PPP3CA: variants seen among roughly 807,000 people sequenced by gnomAD.
The protein encoded by PPP3CA is CAM-PRP catalytic subunit.
In PPP3CA, 14 loss-of-function variants were observed where a neutral mutation model predicts 66.5. The ratio of observed to expected loss-of-function variants is 0.21; its 90% CI spans 0.14 to 0.33. PPP3CA has a LOEUF of 0.33. PPP3CA is among the 10% of genes least tolerant of loss of function. The probability of loss-of-function intolerance (pLI) is 1.00; values close to 1 mark genes in which losing one functional copy is unlikely to be tolerated. For missense variants in PPP3CA, 317 were observed against 639.5 expected (o/e 0.50, Z 5.44); for synonymous variants, 232 against 226.2 (o/e 1.03, Z -0.23).
intron 2 of PPP3CA, among the ~76,000 whole-genome samples, chr4:101,171,806 A>G (rs1259260491): frequency 6.6e-6 from 1 of 152,202 alleles, no homozygotes; most frequent in Non-Finnish European, 1.5e-5. Flanking sequence ...ACTTACCACA[A>G]ATATATGCAA....
At chr4:101,184,502 A>G (rs767179977) in intron 2 of PPP3CA, among the ~76,000 whole-genome samples, 108 of 152,156 alleles carry the variant, frequency 7.1e-4, no homozygotes, top group Non-Finnish European at 1.3e-3. Context: ...AAGACTTAGT[A>G]AAAAAAAGAG....
At position 101,299,948 on chromosome 4, in the gene PPP3CA, G is replaced by T. The variant is rs116822306; in HGVS notation, c.58+46791C>A. Among the ~76,000 whole-genome samples the T allele has an allele frequency of 1.5e-3, 233 of 151,716 alleles. 1 individual carries two copies. The highest frequency in any genetic ancestry group is 5.4e-3 in the African/African-American group (221 of 41,040). ...GAATGTGTACCCAGCTTCATGCTTG[G>T]CACTGAATTTGCAAAGGTGATCAAG... On this transcript the variant is annotated intron_variant, in intron 1 of 13. Coordinates refer to ENST00000394854, the MANE Select transcript of PPP3CA (RefSeq NM_000944.5).
intron 2 of PPP3CA, among the ~76,000 whole-genome samples, chr4:101,169,921 A>G (rs1053425297): frequency 7.2e-5 from 11 of 152,180 alleles, no homozygotes; most frequent in Non-Finnish European, 1.5e-4. Flanking sequence ...TGTTCATTTT[A>G]CAGTAAGTGT....
chr4:101,180,809 G>A (rs1183369528), intron 2 of PPP3CA, among the ~76,000 whole-genome samples: 1 of 152,058 alleles, frequency 6.6e-6, no homozygotes, highest in Non-Finnish European at 1.5e-5. Context: ...CAAGGAGGGA[G>A]GAACACTTGT....
At chr4:101,180,850 A>G (rs1484745976) in intron 2 of PPP3CA, among the ~76,000 whole-genome samples, 1 of 152,104 alleles carries the variant, frequency 6.6e-6, no homozygotes, top group Non-Finnish European at 1.5e-5. Context: ...CCTAGGCAAC[A>G]TAGTGAGTCT....
intron 1 of PPP3CA, among the ~76,000 whole-genome samples, chr4:101,213,019 C>T (rs994880171): frequency 6.6e-6 from 1 of 152,060 alleles, no homozygotes; most frequent in Non-Finnish European, 1.5e-5. Context: ...CTCAGTCCTC[C>T]TGACACATCT....
chr4:101,293,005 CCTA>C (rs1728079372), intron 1 of PPP3CA, among the ~76,000 whole-genome samples: 1 of 152,278 alleles, frequency 6.6e-6, no homozygotes, highest in African/African-American at 2.4e-5. Flanking sequence ...CCAAATCTCA[CCTA>C]CTATTTCAAA....
intron 1 of PPP3CA, among the ~76,000 whole-genome samples, chr4:101,305,605 T>C (rs1213527329): frequency 1.3e-5 from 2 of 152,172 alleles, no homozygotes; most frequent in Non-Finnish European, 2.9e-5. Flanking sequence ...AGTACAAATA[T>C]GGAGGAAAAA....
At chr4:101,149,523 C>G (rs1478797681) in intron 2 of PPP3CA, among the ~76,000 whole-genome samples, 1 of 152,058 alleles carries the variant, frequency 6.6e-6, no homozygotes, top group African/African-American at 2.4e-5. Flanking sequence ...GATATCAGAA[C>G]CAAAACAATG....
intron 5 of PPP3CA, among the ~76,000 whole-genome samples, chr4:101,096,781 T>C (rs778867329): frequency 2.0e-5 from 3 of 152,202 alleles, no homozygotes; most frequent in Non-Finnish European, 2.9e-5. Flanking sequence ...ATATGATACA[T>C]GGATACATGA....
At chr4:101,129,487 T>C (rs1722357723) in intron 2 of PPP3CA, among the ~76,000 whole-genome samples, 1 of 152,056 alleles carries the variant, frequency 6.6e-6, no homozygotes, top group Non-Finnish European at 1.5e-5. Flanking sequence ...AGACATCTCA[T>C]ATAGGAAAGC....
Position 101,114,544 on chromosome 4 carries a change from A to G in PPP3CA, c.260-5466T>C, listed in dbSNP as rs184296409. 1.3e-3 allele frequency among the ~76,000 whole-genome samples: 192 copies of G among 152,186 alleles called. 2 individuals are homozygous for G. Among genetic ancestry groups the G allele is most frequent in the Admixed American group, 9.6e-3 (146 of 15,260 alleles). ...TCACTCAGCAGTTCTGAATATCGCT[A>G]ATCTAAACAAACGGTGGCAAGAGTG... On this transcript the variant is annotated intron_variant, in intron 2 of 13. Transcript: ENST00000394854.
At chr4:101,144,004 T>C (rs1011204756) in intron 2 of PPP3CA, among the ~76,000 whole-genome samples, 8 of 152,184 alleles carry the variant, frequency 5.3e-5, no homozygotes, top group Admixed American at 3.9e-4. Flanking sequence ...AAAATCATTC[T>C]AGATTTCTCT....
intron 11 of PPP3CA, among the ~76,000 whole-genome samples, chr4:101,038,006 TA>T (rs761277201): frequency 1.3e-5 from 2 of 152,224 alleles, no homozygotes; most frequent in African/African-American, 4.8e-5. Context: ...ACACTCTGCT[TA>T]GCCTCTCTCA....
At chr4:101,186,691 T>C (rs770754664) in intron 2 of PPP3CA, among the ~76,000 whole-genome samples, 1 of 152,102 alleles carries the variant, frequency 6.6e-6, no homozygotes, top group Non-Finnish European at 1.5e-5. Flanking sequence ...AAAAGGTAAG[T>C]AGGGGACAGC....
In PPP3CA at chr4:101,096,731, T is replaced by C. The variant is rs1253745704; in HGVS notation, c.642+1636A>G. Among the ~76,000 whole-genome samples the C allele has an allele frequency of 2.0e-5, 3 of 152,208 alleles. No individual in the cohort carries two copies. The East Asian group carries it at 5.8e-4, about 29-fold the overall frequency. On this transcript the variant is annotated intron_variant, in intron 5 of 13. Coordinates refer to ENST00000394854, the MANE Select transcript of PPP3CA (RefSeq NM_000944.5). ...CTATACTTATTTGTAATTTGACTTT[T>C]CATTTTCCAAACCTATTTCAATAAG...
At chr4:101,298,343 T>G (rs1247749965) in intron 1 of PPP3CA, among the ~76,000 whole-genome samples, 2 of 150,764 alleles carry the variant, frequency 1.3e-5, no homozygotes, top group Non-Finnish European at 3.0e-5. Flanking sequence ...CAGGGAGATA[T>G]ATATATATAT....
chr4:101,225,042 C>T (rs957297266), intron 1 of PPP3CA, among the ~76,000 whole-genome samples: 3 of 151,724 alleles, frequency 2.0e-5, no homozygotes, highest in African/African-American at 7.3e-5. Flanking sequence ...GTGGTTAGAA[C>T]ACTTAACCCC....
chr4:101,299,710 C>T (rs1728317027), intron 1 of PPP3CA, among the ~76,000 whole-genome samples: 1 of 151,974 alleles, frequency 6.6e-6, no homozygotes, highest in Non-Finnish European at 1.5e-5. Context: ...TTTAAATACC[C>T]CCATTGTACC....
Sources: allele counts gnomAD v4.1 joint callset (sites outside exome capture counted in the v4.1 genomes callset), GRCh38; gene constraint gnomAD v4.1.1; transcripts MANE v1.5; gene names NCBI Gene and HGNC (gene_info 2026-07-23, HGNC 2026-07-21).